The following EPHA6 variants were observed in gnomAD, a reference collection of about 807,000 sequenced individuals.
EPHA6 encodes the protein EPH receptor A6.
EPHA6 carries 50 observed loss-of-function variants against 112.0 expected under a neutral mutation model. The observed-to-expected ratio is 0.45, with a 90% CI of 0.36 to 0.56. The LOEUF (loss-of-function observed/expected upper bound fraction) is 0.56, where lower values mean the gene tolerates loss of function less well. Ranked by LOEUF, EPHA6 falls within the 20% of genes least tolerant of loss-of-function variation. The pLI, the probability that EPHA6 is intolerant of heterozygous loss-of-function variation, is 0.00. For missense variants in EPHA6, 1,280 were observed against 1,417.4 expected, an observed-to-expected ratio of 0.90 and a Z score of 1.56; for synonymous variants, 529 against 490.7, an observed-to-expected ratio of 1.08 and a Z score of -1.03.
chr3:96,890,331 A>T (rs1029032802), intron 2 of EPHA6, among the ~76,000 whole-genome samples: 2 of 152,180 alleles, frequency 1.3e-5, no homozygotes, highest in Non-Finnish European at 2.9e-5. Context: ...GATGAAGATG[A>T]CACGGTAGAA....
At chr3:96,974,371 G>A (rs1349747651) in intron 2 of EPHA6, among the ~76,000 whole-genome samples, 2 of 150,246 alleles carry the variant, frequency 1.3e-5, no homozygotes, top group Non-Finnish European at 3.0e-5. Flanking sequence ...AATTATATAT[G>A]TCATTATAAA....
intron 3 of EPHA6, among the ~76,000 whole-genome samples, chr3:97,093,312 G>T (rs1388386773): frequency 2.0e-5 from 3 of 152,144 alleles, no homozygotes; most frequent in Non-Finnish European, 4.4e-5. Flanking sequence ...ATCTTGGGAG[G>T]CTGAGGTGGG....
chr3:96,963,456 T>C (rs1377794854), intron 2 of EPHA6, among the ~76,000 whole-genome samples: 2 of 152,202 alleles, frequency 1.3e-5, no homozygotes, highest in African/African-American at 4.8e-5. Context: ...TATTGAGGAC[T>C]TTGTTACTGG....
chr3:96,857,747 C>T (rs1424320263), intron 1 of EPHA6, among the ~76,000 whole-genome samples: 3 of 152,016 alleles, frequency 2.0e-5, no homozygotes, highest in Admixed American at 6.6e-5. Context: ...TACTACAATC[C>T]AATTTAGCTA....
At chr3:97,150,753 C>T (rs563188297) in intron 3 of EPHA6, among the ~76,000 whole-genome samples, 9 of 152,186 alleles carry the variant, frequency 5.9e-5, no homozygotes, top group African/African-American at 2.2e-4. Context: ...TTGGTGCTCA[C>T]CTCCCTTTTC....
chr3:97,180,306 A>G (rs1323234820), intron 3 of EPHA6, among the ~76,000 whole-genome samples: 2 of 152,056 alleles, frequency 1.3e-5, no homozygotes, highest in African/African-American at 4.8e-5. Flanking sequence ...GGCCCAGGGC[A>G]TGTCCAGAAA....
intron 3 of EPHA6, among the ~76,000 whole-genome samples, chr3:97,137,935 C>T (rs908588449): frequency 2.6e-5 from 4 of 152,080 alleles, no homozygotes; most frequent in Non-Finnish European, 4.4e-5. Context: ...GCAGCTATGA[C>T]GTCCCTCTTC....
At chr3:97,012,625 A>T (rs866291090) in intron 3 of EPHA6, among the ~76,000 whole-genome samples, 1,952 of 131,436 alleles carry the variant, frequency 0.015, 56 homozygotes, top group African/African-American at 0.052. Context: ...ATATATATGT[A>T]TTTTTTTTTT....
chr3:97,066,638 T>A lies in EPHA6; in HGVS notation c.1114+78645T>A, dbSNP rs79714802. On this transcript the variant is annotated intron_variant, in intron 3 of 17. Transcript: ENST00000389672. ...AAAACAGATGTCAGTGGCTACTACC[T>A]TTTCCAGTATTTTGCAACAAGCAGC... Among the ~76,000 whole-genome samples the A allele has an allele frequency of 5.0e-3, 755 of 152,272 alleles. 6 individuals carry two copies. Among genetic ancestry groups the A allele is most frequent in the African/African-American group, 0.016 (665 of 41,566 alleles).
At chr3:96,826,506 A>G (rs554847494) in intron 1 of EPHA6, among the ~76,000 whole-genome samples, 2 of 152,206 alleles carry the variant, frequency 1.3e-5, no homozygotes, top group South Asian at 4.1e-4. Context: ...CTCCAAGTCT[A>G]AGATTATCCT....
intron 11 of EPHA6, among the ~76,000 whole-genome samples, chr3:97,542,806 A>G (rs1369732421): frequency 6.6e-6 from 1 of 152,202 alleles, no homozygotes; most frequent in Non-Finnish European, 1.5e-5. Context: ...GTGAGATGGT[A>G]TCCCATTGTG....
rs2035820947 is a variant in EPHA6 at position 97,748,827 on chromosome 3, G to C, written c.*126G>C. On this transcript the variant is annotated 3_prime_UTR_variant, in exon 18 of 18. Transcript: ENST00000389672. ...ACTGCAGTCTTCTGTTCAGACTATA[G>C]GCACACACCTTATGTTTATGCTTCC... The C allele has an allele frequency of 1.5e-6, 1 of 656,056 alleles. No homozygotes were observed. Among genetic ancestry groups the C allele is most frequent in the African/African-American group, 1.8e-5 (1 of 55,834 alleles). The allele number at this position is 656,056 out of a possible 1,614,324, so 40.6% of individuals were successfully genotyped here.
At chr3:97,467,716 C>T (rs2091102459) in intron 7 of EPHA6, among the ~76,000 whole-genome samples, 1 of 151,716 alleles carries the variant, frequency 6.6e-6, no homozygotes, top group Non-Finnish European at 1.5e-5. Context: ...GAAATACAGA[C>T]AATTACAAAT....
intron 3 of EPHA6, among the ~76,000 whole-genome samples, chr3:97,107,576 TC>T (rs2047604660): frequency 6.6e-6 from 1 of 152,198 alleles, no homozygotes; most frequent in African/African-American, 2.4e-5. Context: ...ATTTCTAACT[TC>T]TAACTAAGTT....
rs1014200011 is a variant in EPHA6, at chr3:97,308,098, C to T, written c.1606+63811C>T. ...ATATTCATTAATGCTTCCAAAAACT[C>T]ATCAGTCGTCACCTCTTGATGATTT... On this transcript the variant is annotated intron_variant, in intron 5 of 17. Transcript: ENST00000389672. Among the ~76,000 whole-genome samples, 17 of 151,786 alleles carry T rather than the reference C, an allele frequency of 1.1e-4. No individual in the cohort carries two copies. In the South Asian group the frequency reaches 3.5e-3, roughly 31 times the overall value.
At chr3:97,169,648 A>G (rs2076637782) in intron 3 of EPHA6, among the ~76,000 whole-genome samples, 1 of 152,182 alleles carries the variant, frequency 6.6e-6, no homozygotes, top group South Asian at 2.1e-4. Context: ...ATATAAATTC[A>G]TAGATACATA....
At chr3:97,600,630 A>G (rs563898008) in intron 12 of EPHA6, among the ~76,000 whole-genome samples, 2 of 152,200 alleles carry the variant, frequency 1.3e-5, no homozygotes, top group South Asian at 4.1e-4. Context: ...TTCCCCAAGA[A>G]AATGGACATG....
rs530389544 is a variant in EPHA6, at chr3:97,370,270, GCTT to G, written c.1607-34875_1607-34873del. Among the ~76,000 whole-genome samples the G allele has an allele frequency of 1.2e-3, 176 of 152,246 alleles. 1 individual carries two copies. Among genetic ancestry groups the G allele is most frequent in the African/African-American group, 4.0e-3 (168 of 41,562 alleles). On this transcript the variant is annotated intron_variant, in intron 5 of 17. Coordinates refer to ENST00000389672, the MANE Select transcript of EPHA6 (RefSeq NM_001080448.3). ...ATTAGCACAAGAAGAAATAATAATTGCTTCTTCATTCATTCATTCATCTAGCAT... is the reference window on the plus strand; with the variant it reads ...ATTAGCACAAGAAGAAATAATAATTGCTTCATTCATTCATTCATCTAGCAT...
intron 3 of EPHA6, among the ~76,000 whole-genome samples, chr3:97,116,641 T>A (rs994199750): frequency 6.6e-6 from 1 of 151,722 alleles, no homozygotes; most frequent in Non-Finnish European, 1.5e-5. Flanking sequence ...TCCTCCAGGT[T>A]CATTCATGTT....
Sources: gnomAD v4.1 joint callset for allele counts (sites outside exome capture counted in the v4.1 genomes callset) on GRCh38, gnomAD v4.1.1 for gene constraint, MANE v1.5 for transcripts, NCBI Gene and HGNC (gene_info 2026-07-23, HGNC 2026-07-21) for gene names.